Variants in GNPTAB observed in about 807,000 individuals in gnomAD.
GNPTAB encodes N-acetylglucosamine-1-phosphate transferase subunits alpha and beta.
A neutral mutation model predicts 136.6 loss-of-function variants in GNPTAB; 92 were observed. The ratio of observed to expected loss-of-function variants is 0.67; its 90% CI spans 0.57 to 0.80. The LOEUF (loss-of-function observed/expected upper bound fraction) is 0.80, where lower values mean the gene tolerates loss of function less well. GNPTAB is among the 30% of genes least tolerant of loss of function. The pLI, the probability that GNPTAB is intolerant of heterozygous loss-of-function variation, is 0.00. For synonymous variants in GNPTAB, 512 were observed against 535.1 expected (o/e 0.96, Z 0.60); for missense variants, 1,343 against 1,501.8 (o/e 0.89, Z 1.75).
At chr12:101,760,266 AC>A (rs1306148712) in intron 15 of GNPTAB, 123 bp from the exon 16 acceptor site, 1 of 693,740 alleles carries the variant, frequency 1.4e-6, no homozygotes, top group Non-Finnish European at 2.6e-6. Flanking sequence ...AGAGAGTCTG[AC>A]TATATGATTC....
chr12:101,763,412 G>A (rs1953031739), intron 13 of GNPTAB, among the ~76,000 whole-genome samples: 4 of 151,424 alleles, frequency 2.6e-5, no homozygotes, highest in South Asian at 2.1e-4. Context: ...ACACCCACTC[G>A]TGGCTGTGTG....
chr12:101,747,869 C>G (rs200236255), intron 20 of GNPTAB, among the ~76,000 whole-genome samples: 1 of 152,106 alleles, frequency 6.6e-6, no homozygotes, highest in South Asian at 2.1e-4. Context: ...CTCTAGTTCC[C>G]TATTCTCTAC....
chr12:101,821,860 C>A (rs549461765), intron 1 of GNPTAB, among the ~76,000 whole-genome samples: 1 of 152,268 alleles, frequency 6.6e-6, no homozygotes, highest in Admixed American at 6.5e-5. Context: ...AATCAGCCCA[C>A]CCTCCCCTAG....
rs1304207412 is a variant in GNPTAB, at chr12:101,768,083, C to T, written c.1362G>A (p.Lys454=). The change falls in exon 11 of 21, where the codon AAG becomes AAA. Residue 454 remains lysine (K), a synonymous_variant. Coordinates refer to ENST00000299314, the MANE Select transcript of GNPTAB (RefSeq NM_024312.5). ...AATCGCAGGCTGAATTATTACAAGCCTTGTCACAATAGCCATCCTTAATCC... is the reference window on the plus strand; with the variant it reads ...AATCGCAGGCTGAATTATTACAAGCTTTGTCACAATAGCCATCCTTAATCC... ...GSWIKDGYCD[K]ACNNSACDWD... is the part of the protein sequence containing the mutation. The T allele has an allele frequency of 6.2e-7, 1 of 1,614,044 alleles. No individual in the cohort carries two copies. Among genetic ancestry groups the T allele is most frequent in the Non-Finnish European group, 8.5e-7 (1 of 1,179,994 alleles).
chr12:101,814,374 TATTAAA>T (rs1161980151), intron 1 of GNPTAB, among the ~76,000 whole-genome samples: 1 of 152,090 alleles, frequency 6.6e-6, no homozygotes, highest in Non-Finnish European at 1.5e-5. Context: ...ATATCTACTG[TATTAAA>T]ATTAAAACTG....
chr12:101,757,269 A>C lies in GNPTAB; in HGVS notation c.3377T>G (p.Ile1126Ser). Residue 1126 changes from isoleucine to serine, a missense_variant, in exon 18 of 21, where the codon ATT becomes AGT. Coordinates refer to ENST00000299314, the MANE Select transcript of GNPTAB (RefSeq NM_024312.5). Reference sequence around the variant, plus strand: ...AACCACATGAGAAACGTTGGTACGAATCATTTTAAAAGCGATTTCTTCTTC... The same window carrying C: ...AACCACATGAGAAACGTTGGTACGACTCATTTTAAAAGCGATTTCTTCTTC... ...MGEEEIAFKM[I>S]RTNVSHVVGQ... is the part of the protein sequence containing the mutation. 6.2e-7 allele frequency: 1 copy of C among 1,610,350 alleles called. No homozygotes were observed. Among genetic ancestry groups the C allele is most frequent in the South Asian group, 1.1e-5 (1 of 90,576 alleles).
chr12:101,795,993 A>C (rs1436176787), intron 2 of GNPTAB: 3 of 422,446 alleles, frequency 7.1e-6, no homozygotes, highest in African/African-American at 6.1e-5. Flanking sequence ...AATGGTGAAG[A>C]CTGCGTTCCA....
At chr12:101,822,344 G>A (rs937552184) in intron 1 of GNPTAB, among the ~76,000 whole-genome samples, 1 of 152,192 alleles carries the variant, frequency 6.6e-6, no homozygotes, top group Admixed American at 6.5e-5. Context: ...ACCCCGGGGG[G>A]CGGAGCCTGC....
At chr12:101,780,707 G>A in intron 5 of GNPTAB, 86 bp from the exon 6 acceptor site, 1 of 936,324 alleles carries the variant, frequency 1.1e-6, no homozygotes, top group Non-Finnish European at 1.8e-6. Context: ...AACATTCTGA[G>A]AGCTATTAAA....
rs139051874 is a variant in GNPTAB at position 101,809,141 on chromosome 12, C to T, written c.118-12379G>A. Among the ~76,000 whole-genome samples the T allele has an allele frequency of 2.4e-3, 365 of 151,968 alleles. 5 individuals are homozygous for T. The highest frequency in any genetic ancestry group is 8.3e-3 in the African/African-American group (342 of 41,434). The stretch of plus-strand genomic sequence containing the variant: ...ACTGGGTAAAAAAATCTGAAGATAC[C>T]CAACCAAAGAAAACATACAGATGGT... On this transcript the variant is annotated intron_variant, in intron 1 of 20. Coordinates refer to ENST00000299314, the MANE Select transcript of GNPTAB (RefSeq NM_024312.5).
intron 4 of GNPTAB, among the ~76,000 whole-genome samples, chr12:101,786,438 CATTA>C (rs1403387393): frequency 6.6e-6 from 1 of 152,152 alleles, no homozygotes; most frequent in Non-Finnish European, 1.5e-5. Flanking sequence ...TTCAAACTCC[CATTA>C]ATAAGATCCC....
intron 13 of GNPTAB, among the ~76,000 whole-genome samples, chr12:101,763,676 G>A (rs777143530): frequency 4.6e-5 from 7 of 152,070 alleles, no homozygotes; most frequent in Admixed American, 3.9e-4. Flanking sequence ...CTATGTTCCC[G>A]TCATCTTGCA....
At chr12:101,757,347 T>A in intron 17 of GNPTAB, 37 bp from the exon 18 acceptor site, 1 of 1,181,466 alleles carries the variant, frequency 8.5e-7, no homozygotes, top group Non-Finnish European at 1.3e-6. Flanking sequence ...TTTAAATAAT[T>A]ACATGGATAT....
chr12:101,830,017 A>AG (rs1555276976), intron 1 of GNPTAB, among the ~76,000 whole-genome samples: 4 of 151,602 alleles, frequency 2.6e-5, no homozygotes, highest in Admixed American at 1.3e-4. Context: ...AAAAAAAAAA[A>AG]AAAAAGAAAA....
At chr12:101,791,747 G>T (rs185162962) in intron 2 of GNPTAB, among the ~76,000 whole-genome samples, 43 of 152,198 alleles carry the variant, frequency 2.8e-4, no homozygotes, top group African/African-American at 1.0e-3. Flanking sequence ...ATATTATCTC[G>T]TGGGAAAATA....
chr12:101,780,947 A>G (rs545949890), intron 5 of GNPTAB, among the ~76,000 whole-genome samples: 1 of 152,348 alleles, frequency 6.6e-6, no homozygotes, highest in African/African-American at 2.4e-5. Flanking sequence ...AGACAGGGGG[A>G]AAAAGAAAGA....
chr12:101,798,865 G>A (rs578147645), intron 1 of GNPTAB, among the ~76,000 whole-genome samples: 20 of 152,224 alleles, frequency 1.3e-4, no homozygotes, highest in African/African-American at 3.9e-4. Context: ...CGTAAACTGC[G>A]AAGAACATCA....
intron 18 of GNPTAB, chr12:101,756,219 T>G: frequency 6.1e-6 from 1 of 164,878 alleles, no homozygotes; most frequent in South Asian, 1.3e-4. Context: ...ACTAAATAGG[T>G]GTTAAAGGTA....
chr12:101,785,968 T>C, intron 5 of GNPTAB, 44 bp downstream of exon 5: 4 of 1,362,112 alleles, frequency 2.9e-6, no homozygotes, highest in Non-Finnish European at 4.2e-6. Flanking sequence ...TATTCAAACA[T>C]CCAATGATAA....
Sources: allele counts gnomAD v4.1 joint callset (sites outside exome capture counted in the v4.1 genomes callset), GRCh38; gene constraint gnomAD v4.1.1; transcripts MANE v1.5; gene names NCBI Gene and HGNC (gene_info 2026-07-23, HGNC 2026-07-21).